Variants in IL7 observed in about 807,000 individuals in gnomAD.
IL7 encodes interleukin-7.
IL7 carries 3 observed loss-of-function variants against 21.6 expected under a neutral mutation model. The ratio of observed to expected loss-of-function variants is 0.14; its 90% CI spans 0.06 to 0.36. The LOEUF is 0.36. Among genes scored for constraint, IL7 ranks in the 10% least tolerant of loss-of-function variants. The probability of loss-of-function intolerance (pLI) is 1.00; values close to 1 mark genes in which losing one functional copy is unlikely to be tolerated. For synonymous variants in IL7, 62 were observed against 68.1 expected (o/e 0.91, Z 0.44); for missense variants, 175 against 200.2 (o/e 0.87, Z 0.76).
intron 5 of IL7, among the ~76,000 whole-genome samples, chr8:78,720,239 A>C (rs184192401): frequency 1.3e-5 from 2 of 151,938 alleles, no homozygotes; most frequent in East Asian, 3.9e-4. Flanking sequence ...GAGATGAAAA[A>C]ATATTAGAAA....
chr8:78,732,603 C>A (rs1211650095), downstream of IL7, among the ~76,000 whole-genome samples: 2 of 152,096 alleles, frequency 1.3e-5, no homozygotes, highest in Non-Finnish European at 2.9e-5. Flanking sequence ...AGACAAGTTT[C>A]TTTTAAAAGA....
intron 3 of IL7, chr8:78,686,474 C>A: frequency 2.0e-6 from 3 of 1,472,100 alleles, no homozygotes; most frequent in Non-Finnish European, 2.7e-6. Flanking sequence ...TAGCCAGAAC[C>A]ACCAAAGAAA....
At chr8:78,686,669 A>G (rs1465100419) in intron 3 of IL7, 2 of 1,383,392 alleles carry the variant, frequency 1.4e-6, no homozygotes, top group African/African-American at 1.5e-5. Context: ...TAGAGTTTTT[A>G]TAAATTTTCA....
At chr8:78,781,827 C>T (rs1563433626) in intron 2 of IL7, among the ~76,000 whole-genome samples, 1 of 152,118 alleles carries the variant, frequency 6.6e-6, no homozygotes, top group Non-Finnish European at 1.5e-5. Flanking sequence ...CAAGTTAGTT[C>T]AATTCTCCCC....
chr8:78,732,255 G>T (rs1414526439), downstream of IL7, among the ~76,000 whole-genome samples: 1 of 152,046 alleles, frequency 6.6e-6, no homozygotes, highest in African/African-American at 2.4e-5. Flanking sequence ...AAAAATACTT[G>T]ACTCAAAGTC....
At chr8:78,751,037 C>T (rs918468288) in intron 2 of IL7, among the ~76,000 whole-genome samples, 2 of 150,358 alleles carry the variant, frequency 1.3e-5, no homozygotes, top group African/African-American at 4.9e-5. Flanking sequence ...AGGAAAGAAT[C>T]TTGGAGTCTA....
chr8:78,716,923 CA>C (rs1262045736), downstream of IL7, among the ~76,000 whole-genome samples: 1 of 152,154 alleles, frequency 6.6e-6, no homozygotes, highest in African/African-American at 2.4e-5. Context: ...CCATGTAAGA[CA>C]TGCTTGCTTC....
At chr8:78,703,021 C>T (rs541846341) in intron 3 of IL7, among the ~76,000 whole-genome samples, 112 of 152,128 alleles carry the variant, frequency 7.4e-4, no homozygotes, top group African/African-American at 2.2e-3. Context: ...CTCAGCCTCT[C>T]GAGCAGCTGG....
chr8:78,718,207 G>C (rs1811165095), intron 6 of IL7: 1 of 151,736 alleles, frequency 6.6e-6, no homozygotes, highest in African/African-American at 2.4e-5. Context: ...TGTATTCGTT[G>C]AACATATTTT....
At chr8:78,716,701 CA>C (rs1811116006), downstream of IL7, among the ~76,000 whole-genome samples, 1 of 152,020 alleles carries the variant, frequency 6.6e-6, no homozygotes, top group South Asian at 2.1e-4. Context: ...GCACAAAGAA[CA>C]GATGGAAAGC....
At chr8:78,760,584 G>A (rs1359762373) in intron 2 of IL7, 1 of 1,555,980 alleles carries the variant, frequency 6.4e-7, no homozygotes, top group African/African-American at 1.4e-5. Context: ...TTGAATTTGA[G>A]TTGTCCCATG....
chr8:78,796,153 A>G (rs573066938), intron 2 of IL7, among the ~76,000 whole-genome samples: 4 of 152,084 alleles, frequency 2.6e-5, no homozygotes, highest in Non-Finnish European at 4.4e-5. Context: ...TGCAGATGAC[A>G]TGATTGTCTA....
intron 5 of IL7, chr8:78,719,567 G>C (rs1811200251): frequency 6.6e-6 from 1 of 151,618 alleles, no homozygotes; most frequent in South Asian, 2.1e-4. Flanking sequence ...ATTTTCACAA[G>C]TATTTGACAG....
chr8:78,703,779 C>T (rs1173930143), intron 3 of IL7, among the ~76,000 whole-genome samples: 1 of 152,084 alleles, frequency 6.6e-6, no homozygotes, highest in Non-Finnish European at 1.5e-5. Context: ...AGCCCATTTA[C>T]ATTTAAGACT....
At chr8:78,791,451 C>A (rs1018501885) in intron 2 of IL7, among the ~76,000 whole-genome samples, 1 of 152,008 alleles carries the variant, frequency 6.6e-6, no homozygotes, top group African/African-American at 2.4e-5. Flanking sequence ...AACAGCCTGG[C>A]CAACATGGCA....
intron 2 of IL7, among the ~76,000 whole-genome samples, chr8:78,752,438 C>A (rs1197373424): frequency 6.6e-6 from 1 of 152,122 alleles, no homozygotes; most frequent in Non-Finnish European, 1.5e-5. Flanking sequence ...CAACACTTAT[C>A]TTTTGTCTTT....
chr8:78,794,320 T>A (rs937921236), intron 2 of IL7, among the ~76,000 whole-genome samples: 1 of 152,112 alleles, frequency 6.6e-6, no homozygotes, highest in Non-Finnish European at 1.5e-5. Flanking sequence ...GAAACTACTC[T>A]TTGATTCACG....
At chr8:78,744,133 C>T (rs764450054) in intron 2 of IL7, among the ~76,000 whole-genome samples, 2 of 152,062 alleles carry the variant, frequency 1.3e-5, no homozygotes, top group African/African-American at 2.4e-5. Context: ...GCTGGGGTAA[C>T]GCTTCACCGC....
chr8:78,691,048 C>T (rs1810195774), intron 3 of IL7, among the ~76,000 whole-genome samples: 1 of 152,082 alleles, frequency 6.6e-6, no homozygotes, highest in African/African-American at 2.4e-5. Context: ...ATTTTCTTCC[C>T]TCCAACCTTT....
Sources: gnomAD v4.1 joint callset for allele counts (sites outside exome capture counted in the v4.1 genomes callset) on GRCh38, gnomAD v4.1.1 for gene constraint, MANE v1.5 for transcripts, NCBI Gene and HGNC (gene_info 2026-07-23, HGNC 2026-07-21) for gene names.